Variants in GRM4 observed in about 807,000 individuals in gnomAD.
GRM4 encodes the protein metabotropic glutamate receptor 4.
GRM4 carries 28 observed loss-of-function variants against 81.7 expected under a neutral mutation model. That is an observed-to-expected ratio of 0.34 (90% CI 0.25 to 0.47). The LOEUF is 0.47. Among genes scored for constraint, GRM4 ranks in the 20% least tolerant of loss-of-function variants. GRM4 has a pLI of 1.00. For missense variants in GRM4, 948 were observed against 1,290.0 expected, an observed-to-expected ratio of 0.73 and a Z score of 4.06; for synonymous variants, 488 against 528.8, an observed-to-expected ratio of 0.92 and a Z score of 1.06.
intron 2 of GRM4, among the ~76,000 whole-genome samples, chr6:34,112,219 C>A (rs189644173): frequency 1.3e-5 from 2 of 152,284 alleles, no homozygotes; most frequent in Admixed American, 1.3e-4. Context: ...ATCCAACGAG[C>A]GATAAAACAC....
chr6:34,145,898 C>A (rs990371744), intron 1 of GRM4, 102 bp downstream of exon 1: 5 of 728,454 alleles, frequency 6.9e-6, no homozygotes, highest in Non-Finnish European at 8.4e-6. Flanking sequence ...CACCCCTCCA[C>A]ACCCGCCCTG....
At chr6:34,088,960 C>A (rs1330775747) in intron 3 of GRM4, among the ~76,000 whole-genome samples, 8 of 152,210 alleles carry the variant, frequency 5.3e-5, no homozygotes, top group Non-Finnish European at 1.2e-4. Flanking sequence ...GTGCCACCTA[C>A]AGGCTCCCCA....
chr6:34,112,396 T>G (rs1193096893), intron 2 of GRM4, among the ~76,000 whole-genome samples: 1 of 152,162 alleles, frequency 6.6e-6, no homozygotes, highest in Non-Finnish European at 1.5e-5. Flanking sequence ...CCTCAATTAG[T>G]GCATTCCCTG....
chr6:34,103,884 G>T, intron 2 of GRM4: 4 of 1,387,836 alleles, frequency 2.9e-6, no homozygotes, highest in Non-Finnish European at 3.7e-6. Context: ...GAGTGTTACA[G>T]AAGCCTGGGG....
chr6:34,103,703 C>T, intron 2 of GRM4: 1 of 1,526,468 alleles, frequency 6.6e-7, no homozygotes, highest in South Asian at 1.2e-5. Context: ...ACAGCCATGC[C>T]CCCTTTTCCA....
intron 1 of GRM4, among the ~76,000 whole-genome samples, chr6:34,145,474 G>A (rs999047868): frequency 1.3e-5 from 2 of 152,244 alleles, no homozygotes; most frequent in African/African-American, 4.8e-5. Flanking sequence ...GGAAGGGAGC[G>A]GAGCGGGAGC....
At chr6:34,155,309 G>A in exon 1 of GRM4, 1 of 1,529,630 alleles carries the variant, frequency 6.5e-7, no homozygotes, top group Non-Finnish European at 8.8e-7. Context: ...CAGGGGTGGG[G>A]TGCGATGCAG....
At chr6:34,125,606 T>G (rs1319946713) in intron 2 of GRM4, among the ~76,000 whole-genome samples, 2 of 152,216 alleles carry the variant, frequency 1.3e-5, no homozygotes, top group Non-Finnish European at 2.9e-5. Flanking sequence ...CTGGCCCCAA[T>G]CCACAGGGAA....
chr6:34,034,392 C>T lies in GRM4; in HGVS notation c.2442+1276G>A, dbSNP rs896162164. ...GTCTCCAGACAGGCCCAGACTCCCC[C>T]ACTCCCCACTGCATCTGCTGGGGAC... On this transcript the variant is annotated intron_variant, in intron 9 of 10. Coordinates refer to ENST00000538487, the MANE Select transcript of GRM4 (RefSeq NM_000841.4). This position sits in a 1 kb window ranked among gnomAD's most constrained non-coding sequence, Gnocchi z 4.0. Among the ~76,000 whole-genome samples the T allele has an allele frequency of 6.6e-6, 1 of 152,316 alleles. No homozygotes were observed. Among genetic ancestry groups the T allele is most frequent in the Non-Finnish European group, 1.5e-5 (1 of 68,024 alleles).
At chr6:34,065,627 G>A (rs1351600813) in intron 3 of GRM4, among the ~76,000 whole-genome samples, 3 of 152,270 alleles carry the variant, frequency 2.0e-5, no homozygotes, top group Non-Finnish European at 4.4e-5. Context: ...GACCCCAGCC[G>A]CCCAGGCTCC....
chr6:34,076,791 C>T (rs1322587056), intron 3 of GRM4, among the ~76,000 whole-genome samples: 3 of 152,118 alleles, frequency 2.0e-5, no homozygotes, highest in Non-Finnish European at 2.9e-5. Flanking sequence ...AGTCCCCACC[C>T]CACCCCAGAA....
At chr6:34,113,350 C>A (rs1288310208) in intron 2 of GRM4, among the ~76,000 whole-genome samples, 2 of 152,020 alleles carry the variant, frequency 1.3e-5, no homozygotes, top group East Asian at 3.8e-4. Flanking sequence ...TGGGGTCTCA[C>A]TATGTTGCCC....
At chr6:34,104,216 A>G (rs1002867827) in intron 2 of GRM4, among the ~76,000 whole-genome samples, 4 of 152,180 alleles carry the variant, frequency 2.6e-5, no homozygotes, top group Admixed American at 2.6e-4. Flanking sequence ...CAGCCCAGGG[A>G]GGCTGCGGGA....
intron 6 of GRM4, among the ~76,000 whole-genome samples, chr6:34,051,582 C>A (rs1203409070): frequency 6.6e-6 from 1 of 152,196 alleles, no homozygotes; most frequent in Admixed American, 6.5e-5. Context: ...GATGCCACAT[C>A]TGCCTTGTTT....
chr6:34,151,927 A>C (rs956669548), intron 1 of GRM4, among the ~76,000 whole-genome samples: 2 of 151,914 alleles, frequency 1.3e-5, no homozygotes, highest in Non-Finnish European at 2.9e-5. Context: ...GTGGCAGGCC[A>C]CTCGGGGCAG....
At chr6:34,029,702 G>A (rs1764319263) in intron 9 of GRM4, among the ~76,000 whole-genome samples, 1 of 152,224 alleles carries the variant, frequency 6.6e-6, no homozygotes, top group Non-Finnish European at 1.5e-5. Flanking sequence ...GGTACCCCAA[G>A]CACAGACTGT....
chr6:34,039,354 C>T (rs1427509362), intron 8 of GRM4, among the ~76,000 whole-genome samples: 1 of 152,200 alleles, frequency 6.6e-6, no homozygotes, highest in Admixed American at 6.5e-5. Context: ...CTCGATGCAG[C>T]ACCCACGGGA....
Position 34,091,540 on chromosome 6 carries a change from T to C in GRM4, c.736+343A>G, listed in dbSNP as rs912194810. 69 of 281,508 alleles carry C rather than the reference T, an allele frequency of 2.5e-4. 2 individuals are homozygous for C. Among genetic ancestry groups the C allele is most frequent in the Non-Finnish European group, 9.4e-5 (14 of 148,262 alleles). The allele number at this position is 281,508 out of a possible 1,614,324, so 17.4% of individuals were successfully genotyped here. On this transcript the variant is annotated intron_variant, in intron 3 of 10. Transcript: ENST00000538487. Reference sequence around the variant, plus strand: ...GCTGTCCGCCCATCACCTGAGTCCCTGACAGCCCTCTAAACAAGGCCCCTC... The same window carrying C: ...GCTGTCCGCCCATCACCTGAGTCCCCGACAGCCCTCTAAACAAGGCCCCTC...
chr6:34,142,225 G>T (rs575889446), intron 1 of GRM4, among the ~76,000 whole-genome samples: 2 of 152,248 alleles, frequency 1.3e-5, no homozygotes, highest in African/African-American at 4.8e-5. Context: ...CGGTGAGTGG[G>T]GCCAGAGCTC....
Sources: allele counts gnomAD v4.1 joint callset (sites outside exome capture counted in the v4.1 genomes callset), GRCh38; gene constraint gnomAD v4.1.1; non-coding constraint Gnocchi (gnomAD v3.1); transcripts MANE v1.5; gene names NCBI Gene and HGNC (gene_info 2026-07-23, HGNC 2026-07-21).